The following SLIT3 variants were observed in gnomAD, a reference collection of about 807,000 sequenced individuals.
SLIT3 encodes the protein slit homolog 3 protein.
SLIT3 carries 68 observed loss-of-function variants against 184.0 expected under a neutral mutation model. The ratio of observed to expected loss-of-function variants is 0.37; its 90% confidence interval spans 0.30 to 0.45. SLIT3 has a LOEUF of 0.45. Among genes scored for constraint, SLIT3 ranks in the 20% least tolerant of loss-of-function variants. The pLI is 1.00. For missense variants in SLIT3, 1,707 were observed against 2,026.0 expected (o/e 0.84, Z 3.02); for synonymous variants, 831 against 828.6 (o/e 1.00, Z -0.05).
intron 27 of SLIT3, among the ~76,000 whole-genome samples, chr5:168,698,583 T>C (rs1183952126): frequency 1.3e-5 from 2 of 152,074 alleles, no homozygotes; most frequent in Non-Finnish European, 2.9e-5. Flanking sequence ...TTCAGAACTG[T>C]GAGAGAGTAA....
chr5:169,033,042 T>C (rs372091375), intron 4 of SLIT3, among the ~76,000 whole-genome samples: 9 of 150,236 alleles, frequency 6.0e-5, no homozygotes, highest in African/African-American at 2.2e-4. Flanking sequence ...GTACATTAGG[T>C]CTCCAGACCT....
intron 4 of SLIT3, among the ~76,000 whole-genome samples, chr5:168,972,455 A>T (rs1220358167): frequency 6.6e-6 from 1 of 150,844 alleles, no homozygotes; most frequent in Non-Finnish European, 1.5e-5. Context: ...CCCTTTTCCT[A>T]GGATTGCTTT....
chr5:168,840,492 A>G (rs1252057917), intron 6 of SLIT3, among the ~76,000 whole-genome samples: 1 of 149,394 alleles, frequency 6.7e-6, no homozygotes, highest in Non-Finnish European at 1.5e-5. Context: ...GGGAGGTGCC[A>G]CTATAACTGG....
At chr5:168,669,740 T>C (rs1450641241) in intron 35 of SLIT3, 43 bp downstream of exon 35, 5 of 1,531,016 alleles carry the variant, frequency 3.3e-6, no homozygotes, top group Non-Finnish European at 3.6e-6. Context: ...GAAGTCCAAC[T>C]CTGACCCCCA....
chr5:169,129,971 C>T (rs771352804), intron 4 of SLIT3, among the ~76,000 whole-genome samples: 1 of 152,122 alleles, frequency 6.6e-6, no homozygotes, highest in Non-Finnish European at 1.5e-5. Context: ...GCCTCAGCCA[C>T]CTGAGCAGCT....
chr5:168,848,236 T>C (rs1758550932), intron 5 of SLIT3, among the ~76,000 whole-genome samples: 1 of 152,222 alleles, frequency 6.6e-6, no homozygotes, highest in South Asian at 2.1e-4. Flanking sequence ...CTCTAAGCCA[T>C]ATCGTCATGA....
At chr5:169,230,841 T>A (rs1238619415) in intron 3 of SLIT3, among the ~76,000 whole-genome samples, 3 of 89,954 alleles carry the variant, frequency 3.3e-5, no homozygotes, top group African/African-American at 9.2e-5. Flanking sequence ...AAAATAAAAC[T>A]TTTTTTTTAA....
Position 168,844,632 on chromosome 5 carries a change from C to A in SLIT3, c.509G>T (p.Ser170Ile), listed in dbSNP as rs145786016. Reference protein sequence around the residue: ...KNLQLDNNHISCIEDGAFRAL... With the variant: ...KNLQLDNNHIICIEDGAFRAL... ...TCGGAAGGCTCCATCTTCAATGCAG[C>A]TGATGTGGTTGTTGTCCAGTTGCCT... The change falls in exon 6 of 36, where the codon AGC becomes ATC. Residue 170 changes from serine to isoleucine, a missense_variant. Ser to Ile is a moderately radical substitution (Grantham distance 142, BLOSUM62 -2). Around this residue, in one of 3 missense-constraint regions of SLIT3, gnomAD observed 1,307 missense variants for 1,511.6 expected, o/e 0.86. Coordinates refer to ENST00000519560, the MANE Select transcript of SLIT3 (RefSeq NM_003062.4). 6.2e-7 allele frequency: 1 copy of A among 1,614,208 alleles called. No individual in the cohort carries two copies. The highest frequency in any genetic ancestry group is 8.5e-7 in the Non-Finnish European group (1 of 1,180,044).
rs149856264 is a variant in SLIT3, at chr5:169,040,096, A to G, written c.413+153383T>C. ...TATAAACAGTTTAACTTGGAAATAA[A>G]AAAAGCCCTCACAACACGTAATCTA... On this transcript the variant is annotated intron_variant, in intron 4 of 35. Transcript: ENST00000519560. 2.3e-3 allele frequency among the ~76,000 whole-genome samples: 347 copies of G among 152,362 alleles called. 3 individuals are homozygous for G. The highest frequency in any genetic ancestry group is 7.6e-3 in the African/African-American group (317 of 41,588).
In SLIT3 at chr5:168,753,163, C is replaced by T. The variant is rs903666289; in HGVS notation, c.1830-65G>A. The T allele has an allele frequency of 9.8e-5, 154 of 1,564,370 alleles. 1 individual carries two copies. The highest frequency in any genetic ancestry group is 1.1e-4 in the Non-Finnish European group (125 of 1,143,474). ...ATCTTTTCTGTCCCAAATGGTGCCA[C>T]GGTGGTGTGTGTGTGTGTATAGGTG... On this transcript the variant is annotated intron_variant, in intron 17 of 35. Coordinates refer to ENST00000519560, the MANE Select transcript of SLIT3 (RefSeq NM_003062.4).
intron 3 of SLIT3, among the ~76,000 whole-genome samples, chr5:169,213,580 CAGG>C (rs1389697671): frequency 2.6e-5 from 4 of 152,158 alleles, no homozygotes; most frequent in Admixed American, 1.3e-4. Context: ...TCCCTTCCTC[CAGG>C]AGATCTTCCT....
At position 168,823,777 on chromosome 5, in the gene SLIT3, A is replaced by G. The variant is rs143053766; in HGVS notation, c.558-446T>C. 6.5e-3 allele frequency among the ~76,000 whole-genome samples: 985 copies of G among 152,304 alleles called. 21 individuals are homozygous for G. The highest frequency in any genetic ancestry group is 0.022 in the African/African-American group (896 of 41,556). On this transcript the variant is annotated intron_variant, in intron 6 of 35. Coordinates refer to ENST00000519560, the MANE Select transcript of SLIT3 (RefSeq NM_003062.4). Reference sequence around the variant, plus strand: ...TGAGGAGGCTGAGCCACAGGGAGGCAAAATAAGTTTTCCAAGAACAATCAC... The same window carrying G: ...TGAGGAGGCTGAGCCACAGGGAGGCGAAATAAGTTTTCCAAGAACAATCAC...
intron 20 of SLIT3, among the ~76,000 whole-genome samples, chr5:168,743,658 T>C (rs774128725): frequency 1.2e-4 from 19 of 152,144 alleles, no homozygotes; most frequent in Non-Finnish European, 2.5e-4. Context: ...AAGATAGAAA[T>C]GATGAAGTTT....
intron 1 of SLIT3, among the ~76,000 whole-genome samples, chr5:169,295,211 C>T (rs1052199357): frequency 2.6e-5 from 4 of 152,230 alleles, no homozygotes; most frequent in East Asian, 1.9e-4. Flanking sequence ...ATGAGACCAC[C>T]GTCCTCTATG....
At chr5:168,821,768 A>G (rs1197999713) in intron 7 of SLIT3, among the ~76,000 whole-genome samples, 1 of 152,200 alleles carries the variant, frequency 6.6e-6, no homozygotes, top group Non-Finnish European at 1.5e-5. Flanking sequence ...CTTTGAGGCA[A>G]GCATTCATGA....
intron 4 of SLIT3, among the ~76,000 whole-genome samples, chr5:169,148,606 A>T (rs1762011281): frequency 6.6e-6 from 1 of 152,212 alleles, no homozygotes; most frequent in South Asian, 2.1e-4. Flanking sequence ...AGCAGGCATA[A>T]TATTTTCTTT....
chr5:168,871,922 A>G (rs7726430), intron 5 of SLIT3, among the ~76,000 whole-genome samples: 1 of 152,048 alleles, frequency 6.6e-6, no homozygotes, highest in South Asian at 2.1e-4. Flanking sequence ...GCACTTCACC[A>G]TTATGTCAAC....
At chr5:169,233,437 T>G (rs1765082248) in intron 3 of SLIT3, among the ~76,000 whole-genome samples, 1 of 151,496 alleles carries the variant, frequency 6.6e-6, no homozygotes, top group Non-Finnish European at 1.5e-5. Flanking sequence ...TGACCTTGTG[T>G]CCAGTGACCT....
intron 29 of SLIT3, among the ~76,000 whole-genome samples, chr5:168,688,327 G>A (rs1214738280): frequency 6.6e-6 from 1 of 152,194 alleles, no homozygotes; most frequent in Non-Finnish European, 1.5e-5. Flanking sequence ...GCAGGGAGGT[G>A]AGGGTTGGGG....
Sources: gnomAD v4.1 joint callset for allele counts (sites outside exome capture counted in the v4.1 genomes callset) on GRCh38, gnomAD v4.1.1 for gene constraint, gnomAD v4.1.1 regional missense constraint, MANE v1.5 for transcripts, NCBI Gene and HGNC (gene_info 2026-07-23, HGNC 2026-07-21) for gene names.